The following SOX5 variants were observed in gnomAD, a reference collection of about 807,000 sequenced individuals.
SOX5 encodes SRY-box transcription factor 5.
In SOX5, 9 loss-of-function variants were observed where a neutral mutation model predicts 92.0. The ratio of observed to expected loss-of-function variants is 0.10; its 90% CI spans 0.06 to 0.17. SOX5 has a LOEUF of 0.17. SOX5 is among the 10% of genes least tolerant of loss of function. SOX5 has a pLI of 1.00. For missense variants in SOX5, 642 were observed against 944.5 expected (o/e 0.68, Z 4.20); for synonymous variants, 344 against 336.3 (o/e 1.02, Z -0.25).
chr12:24,478,079 G>C lies in SOX5; in HGVS notation c.-251+84250C>G, dbSNP rs548243487. On this transcript the variant is annotated intron_variant, in intron 1 of 4. Transcript: ENST00000446891. ...AAAGTGAATTTGTCTAACACCTAAG[G>C]AATTCCGAATCCAGAACTGTCTACT... 1.8e-4 allele frequency among the ~76,000 whole-genome samples: 28 copies of C among 152,168 alleles called. No individual in the cohort carries two copies. The East Asian group carries it at 5.0e-3, about 27-fold the overall frequency.
intron 11 of SOX5, 100 bp downstream of exon 11, chr12:23,563,158 A>AT: frequency 4.0e-6 from 4 of 1,004,562 alleles, no homozygotes; most frequent in Non-Finnish European, 5.9e-6. Context: ...ACAGAGAATC[A>AT]TTTTGAGGAT....
At chr12:23,980,937 G>T (rs916514903) in intron 4 of SOX5, among the ~76,000 whole-genome samples, 1 of 152,152 alleles carries the variant, frequency 6.6e-6, no homozygotes, top group Non-Finnish European at 1.5e-5. Flanking sequence ...GGGGTCTTGG[G>T]TCTGTAATGT....
At chr12:23,689,255 T>C (rs1028306252) in intron 6 of SOX5, among the ~76,000 whole-genome samples, 118 of 152,102 alleles carry the variant, frequency 7.8e-4, no homozygotes, top group African/African-American at 2.6e-3. Flanking sequence ...TACTTTCTGA[T>C]ATCCAAATTG....
chr12:24,300,033 GA>G (rs1268236576), intron 2 of SOX5, among the ~76,000 whole-genome samples: 3 of 151,962 alleles, frequency 2.0e-5, no homozygotes, highest in African/African-American at 7.3e-5. Flanking sequence ...ACTTCAACAA[GA>G]AAAAAACAAT....
intron 3 of SOX5, among the ~76,000 whole-genome samples, chr12:23,817,433 ATT>A (rs1443667684): frequency 1.3e-5 from 2 of 152,204 alleles, no homozygotes; most frequent in African/African-American, 4.8e-5. Flanking sequence ...CAATTAAAAT[ATT>A]TTCTTTACAG....
intron 2 of SOX5, among the ~76,000 whole-genome samples, chr12:24,297,996 G>A (rs938195490): frequency 6.6e-6 from 1 of 151,474 alleles, no homozygotes; most frequent in Admixed American, 6.6e-5. Flanking sequence ...CTATGAATAC[G>A]CATTACTCCT....
At position 24,225,332 on chromosome 12, in the gene SOX5, CAT is replaced by C. The variant is rs556616805; in HGVS notation, c.-76-11917_-76-11916del. ...TACAAGCCAGTTTTTCAATGATACA[CAT>C]AGTCACATCTTTGTTTCACAAAAGC... On this transcript the variant is annotated intron_variant, in intron 3 of 4. Coordinates refer to the SOX5 transcript ENST00000446891. Among the ~76,000 whole-genome samples, 177 of 152,294 alleles carry C rather than the reference CAT, an allele frequency of 1.2e-3. 1 individual carries two copies. Among genetic ancestry groups the C allele is most frequent in the Non-Finnish European group, 2.1e-3 (141 of 68,018 alleles).
At chr12:24,251,042 C>T (rs961074010) in intron 3 of SOX5, among the ~76,000 whole-genome samples, 2 of 152,154 alleles carry the variant, frequency 1.3e-5, no homozygotes, top group African/African-American at 4.8e-5. Context: ...GACTAAATTT[C>T]GTGGAGTTGG....
chr12:24,397,195 C>T (rs2136572266), intron 1 of SOX5, among the ~76,000 whole-genome samples: 1 of 152,072 alleles, frequency 6.6e-6, no homozygotes, highest in South Asian at 2.1e-4. Context: ...TTCTTTTTTC[C>T]TTTCTTCCTC....
chr12:24,404,547 C>G (rs980224797), intron 1 of SOX5, among the ~76,000 whole-genome samples: 1 of 152,164 alleles, frequency 6.6e-6, no homozygotes, highest in African/African-American at 2.4e-5. Flanking sequence ...GAGCTTTTTC[C>G]TAGATGGGTC....
intron 1 of SOX5, among the ~76,000 whole-genome samples, chr12:24,419,427 G>T (rs746191684): frequency 6.6e-6 from 1 of 152,018 alleles, no homozygotes; most frequent in Admixed American, 6.6e-5. Context: ...GGTGTGAGCC[G>T]CCATGCACAG....
chr12:23,659,105 T>G (rs543141225), intron 7 of SOX5, among the ~76,000 whole-genome samples: 1 of 152,198 alleles, frequency 6.6e-6, no homozygotes, highest in Admixed American at 6.5e-5. Context: ...ATAACCTGTA[T>G]GTCAGCTGAC....
chr12:23,635,111 G>A (rs537613893), intron 8 of SOX5, among the ~76,000 whole-genome samples: 63 of 152,172 alleles, frequency 4.1e-4, no homozygotes, highest in East Asian at 1.9e-4. Context: ...CAGAACACGC[G>A]GGAACTACTT....
chr12:23,593,403 T>C (rs1386071962), intron 9 of SOX5, among the ~76,000 whole-genome samples: 2 of 152,224 alleles, frequency 1.3e-5, no homozygotes, highest in Non-Finnish European at 2.9e-5. Flanking sequence ...AGAAACCATA[T>C]GAATAATGAT....
intron 4 of SOX5, among the ~76,000 whole-genome samples, chr12:24,022,341 A>C (rs1954390251): frequency 6.6e-6 from 1 of 152,136 alleles, no homozygotes; most frequent in East Asian, 1.9e-4. Context: ...TTAGTCTGAA[A>C]GGGACATGAG....
At chr12:23,868,756 G>A (rs2096842143) in intron 2 of SOX5, among the ~76,000 whole-genome samples, 1 of 151,932 alleles carries the variant, frequency 6.6e-6, no homozygotes, top group Admixed American at 6.6e-5. Context: ...CCATGGATTT[G>A]GTCTGGAAAC....
At chr12:23,662,170 TAG>T (rs1034943537) in intron 7 of SOX5, among the ~76,000 whole-genome samples, 6 of 150,566 alleles carry the variant, frequency 4.0e-5, no homozygotes, top group African/African-American at 7.3e-5. Flanking sequence ...TATATATATA[TAG>T]AGAGAGAGAG....
Position 24,383,869 on chromosome 12 carries a change from C to T in SOX5, c.-250-15230G>A, listed in dbSNP as rs370354213. ...GGCTGTGTCCCCACCCAAATCTCAT[C>T]TTGGATTATGGCTCCCATAATCCCT... On this transcript the variant is annotated intron_variant, in intron 1 of 4. Transcript: ENST00000446891. Among the ~76,000 whole-genome samples the T allele has an allele frequency of 1.7e-4, 26 of 152,254 alleles. No homozygotes were observed. The East Asian group carries it at 3.3e-3, about 19-fold the overall frequency.
intron 3 of SOX5, among the ~76,000 whole-genome samples, chr12:24,226,740 G>A (rs1962104368): frequency 6.6e-6 from 1 of 152,182 alleles, no homozygotes; most frequent in Admixed American, 6.5e-5. Flanking sequence ...CAAAGGGCTA[G>A]GATTACAGGC....
Sources: allele counts gnomAD v4.1 joint callset (sites outside exome capture counted in the v4.1 genomes callset), GRCh38; gene constraint gnomAD v4.1.1; transcripts MANE v1.5; gene names NCBI Gene and HGNC (gene_info 2026-07-23, HGNC 2026-07-21).